The following KRT9 variants were observed in gnomAD, a reference collection of about 807,000 sequenced individuals.
KRT9 encodes the protein keratin 9, also known as keratin, type I cytoskeletal 9.
Under a neutral mutation model 51.4 loss-of-function variants are expected in KRT9, and 34 were observed. The ratio of observed to expected loss-of-function variants is 0.66; its 90% CI spans 0.50 to 0.88. The LOEUF (loss-of-function observed/expected upper bound fraction) is 0.88. KRT9 is among the 40% of genes least tolerant of loss of function. The pLI is 0.00. For missense variants in KRT9, 753 were observed against 790.3 expected (o/e 0.95, Z 0.57); for synonymous variants, 292 against 289.7 (o/e 1.01, Z -0.08).
At chr17:41,568,710 G>T in intron 4 of KRT9, 77 bp from the exon 5 acceptor site, 1 of 1,576,892 alleles carries the variant, frequency 6.3e-7, no homozygotes. Context: ...CATTCACCAG[G>T]ATCTTCACCT....
At chr17:41,569,159 G>A (rs894365905) in intron 4 of KRT9, among the ~76,000 whole-genome samples, 12 of 152,202 alleles carry the variant, frequency 7.9e-5, no homozygotes, top group African/African-American at 2.4e-4. Flanking sequence ...AGCTTCTCAA[G>A]GGCAGCAGTC....
intron 6 of KRT9, 95 bp downstream of exon 6, chr17:41,568,067 A>C (rs1906937700): frequency 8.5e-7 from 1 of 1,171,662 alleles, no homozygotes; most frequent in African/African-American, 1.5e-5. Context: ...CCCTGTGTAT[A>C]AGAACTTCCC....
rs760248633 is a variant in KRT9 at position 41,567,498 on chromosome 17, A to ACCACCTCCACTTCCTCCGCTATGG, written c.1623_1646dup (p.Gly549_Gly556dup). On this transcript the variant is annotated inframe_insertion, in exon 7 of 8. Coordinates refer to ENST00000246662, the MANE Select transcript of KRT9 (RefSeq NM_000226.4). Reference sequence around the variant, plus strand: ...AGTTGCCCCCACTTCCTCCACTATGACCACCTCCACTTCCTCCGCTATGGC... The same window carrying ACCACCTCCACTTCCTCCGCTATGG: ...AGTTGCCCCCACTTCCTCCACTATGACCACCTCCACTTCCTCCGCTATGGCCACCTCCACTTCCTCCGCTATGGC... 8 of 1,543,962 alleles carry ACCACCTCCACTTCCTCCGCTATGG rather than the reference A, an allele frequency of 5.2e-6. No individual in the cohort carries two copies. The East Asian group carries it at 7.4e-5, about 14-fold the overall frequency.
At chr17:41,570,248 A>G in intron 1 of KRT9, 28 bp from the exon 2 acceptor site, 3 of 1,596,798 alleles carry the variant, frequency 1.9e-6, no homozygotes, top group Middle Eastern at 1.7e-4. Flanking sequence ...CAGCCATGAT[A>G]TCATGCTGTG....
chr17:41,571,199 C>A, intron 1 of KRT9, 152 bp downstream of exon 1: 1 of 811,154 alleles, frequency 1.2e-6, no homozygotes, highest in South Asian at 1.4e-5. Flanking sequence ...CCCCAGAAAC[C>A]AAACACAAGT....
chr17:41,567,186 A>G (rs1018801392), intron 7 of KRT9, 47 bp downstream of exon 7: 21 of 1,573,844 alleles, frequency 1.3e-5, no homozygotes, highest in Non-Finnish European at 1.7e-5. Flanking sequence ...AAAAAAAAAA[A>G]GGTGAGACCT....
At chr17:41,568,663 G>A in intron 4 of KRT9, 30 bp from the exon 5 acceptor site, 1 of 1,613,996 alleles carries the variant, frequency 6.2e-7, no homozygotes, top group Non-Finnish European at 8.5e-7. Flanking sequence ...GTAAGCATCA[G>A]GCTGTGCCAG....
Position 41,570,151 on chromosome 17 carries a change from C to A in KRT9, c.712G>T (p.Asp238Tyr), listed in dbSNP as rs776962567. The change falls in exon 2 of 8, where the codon GAC (aspartate) becomes TAC (tyrosine). Residue 238 changes from aspartate to tyrosine, a missense_variant. Physicochemically the swap from Asp to Tyr is radical, Grantham distance 160 (BLOSUM62 -3). Coordinates refer to ENST00000246662, the MANE Select transcript of KRT9 (RefSeq NM_000226.4). ...DIDNTRMTLD[D>Y]FRIKFEMEQN... ...AGCAGGACTCACTTTATCCTGAAGT[C>A]ATCCAGTGTCATGCGAGTGTTGTCA... 6.2e-6 allele frequency: 10 copies of A among 1,613,938 alleles called. No individual in the cohort carries two copies. Among genetic ancestry groups the A allele is most frequent in the South Asian group, 1.1e-5 (1 of 91,052 alleles).
At chr17:41,568,033 T>C (rs758141047) in intron 6 of KRT9, 129 bp downstream of exon 6, 5 of 978,040 alleles carry the variant, frequency 5.1e-6, no homozygotes, top group Non-Finnish European at 7.6e-6. Context: ...GCCCCCAGGA[T>C]GAAGAAGTCC....
chr17:41,567,626 C>T lies in KRT9; in HGVS notation c.1519G>A (p.Gly507Ser). 1 of 1,581,876 alleles carries T rather than the reference C, an allele frequency of 6.3e-7. No individual in the cohort carries two copies. Among genetic ancestry groups the T allele is most frequent in the Non-Finnish European group, 8.6e-7 (1 of 1,164,312 alleles). ...CCTCCCCTGGACCCACTTCCTCCAC[C>T]ATAGCCACCTCCACTTCCTCCTCCA... ...YGGGGSGGGY[G>S]GGSGSRGGSG... Residue 507 changes from glycine to serine, a missense_variant, in exon 7 of 8, where the codon GGT becomes AGT. Physicochemically the swap from Gly to Ser is moderately conservative, Grantham distance 56 (BLOSUM62 0). Transcript: ENST00000246662.
chr17:41,571,865 C>G lies in KRT9; in HGVS notation c.128G>C (p.Gly43Ala). ...SRFSSSGGGGGGGRFSSSSGY... is the reference protein window; with the variant it reads ...SRFSSSGGGGAGGRFSSSSGY... Reference sequence around the variant, plus strand: ...ACTAGAAGAGCTGAATCGGCCCCCTCCTCCACCGCCCCCTGAGGAGCTGAA... The same window carrying G: ...ACTAGAAGAGCTGAATCGGCCCCCTGCTCCACCGCCCCCTGAGGAGCTGAA... The change falls in exon 1 of 8, where the codon GGA becomes GCA. Residue 43 changes from glycine to alanine, a missense_variant. Transcript: ENST00000246662. The G allele has an allele frequency of 1.2e-6, 2 of 1,612,482 alleles. No homozygotes were observed. Among genetic ancestry groups the G allele is most frequent in the South Asian group, 2.2e-5 (2 of 90,842 alleles).
intron 4 of KRT9, 49 bp from the exon 5 acceptor site, chr17:41,568,682 G>T: frequency 6.2e-7 from 1 of 1,613,198 alleles, no homozygotes. Context: ...AGGAGCTTCA[G>T]TGAGTGAGAT....
chr17:41,568,716 C>T (rs374596494), intron 4 of KRT9, 83 bp from the exon 5 acceptor site: 1 of 1,566,954 alleles, frequency 6.4e-7, no homozygotes, highest in Non-Finnish European at 8.8e-7. Context: ...CCAGGATCTT[C>T]ACCTCCAGGG....
rs749884357 is a variant in KRT9 at position 41,567,436 on chromosome 17, C to T, written c.1709G>A (p.Gly570Asp). 3.2e-6 allele frequency: 5 copies of T among 1,559,256 alleles called. No individual in the cohort carries two copies. The South Asian group carries it at 4.7e-5, about 15-fold the overall frequency. ...GGSGSGGGSGGGYGGGSGSRG... is the reference protein window; with the variant it reads ...GGSGSGGGSGDGYGGGSGSRG... ...GGACCCACTTCCTCCACCATAGCCA[C>T]CCCCACTTCCTCCTCCAGAGCCACT... Residue 570 changes from glycine (G) to aspartate (D), a missense_variant, in exon 7 of 8, where the codon GGT (glycine) becomes GAT (aspartate). Coordinates refer to ENST00000246662, the MANE Select transcript of KRT9 (RefSeq NM_000226.4).
rs1474004646 is a variant in KRT9 at position 41,569,278 on chromosome 17, T to C, written c.1044+148A>G. 8.4e-6 allele frequency: 7 copies of C among 830,894 alleles called. No homozygotes were observed. The Admixed American group carries it at 1.0e-4, about 12-fold the overall frequency. The allele number at this position is 830,894 out of a possible 1,614,324, so 51.5% of individuals were successfully genotyped here. The stretch of plus-strand genomic sequence containing the variant: ...GATGTTTGTATGCAGTGAATGAAGA[T>C]GGATGAATGACTTCCATTGGAAGAT... On this transcript the variant is annotated intron_variant, in intron 4 of 7. Coordinates refer to ENST00000246662, the MANE Select transcript of KRT9 (RefSeq NM_000226.4).
Position 41,568,564 on chromosome 17 carries a change from G to C in KRT9, c.1114C>G (p.Gln372Glu). ...EVQSSAKEVT[Q>E]LRHGVQELEI... ...AACTCCTGGACACCGTGCCGGAGCT[G>C]GGTCACCTCCTTGGCACTGGACTGC... Residue 372 changes from glutamine to glutamate, a missense_variant, in exon 5 of 8, where the codon CAG becomes GAG. By Grantham distance (29) the Gln-to-Glu change is conservative. Transcript: ENST00000246662. 6.2e-7 allele frequency: 1 copy of C among 1,614,172 alleles called. No homozygotes were observed. The highest frequency in any genetic ancestry group is 8.5e-7 in the Non-Finnish European group (1 of 1,180,024).
Position 41,571,398 on chromosome 17 carries a change from T to G in KRT9, c.595A>C (p.Lys199Gln). 6.2e-7 allele frequency: 1 copy of G among 1,614,094 alleles called. No individual in the cohort carries two copies. Among genetic ancestry groups the G allele is most frequent in the Non-Finnish European group, 8.5e-7 (1 of 1,180,008 alleles). The change falls in exon 1 of 8, where the codon AAG (lysine) becomes CAG (glutamine). Residue 199 changes from lysine (K) to glutamine (Q), a missense_variant. Physicochemically the swap from Lys to Gln is moderately conservative, Grantham distance 53 (BLOSUM62 1). Around this residue, in one of 3 missense-constraint regions of KRT9, gnomAD observed 507 missense variants for 563.7 expected, o/e 0.90. Transcript: ENST00000246662. ...GTGTTATAATAAGGGGAGTAGTTCTTCTGGATAGCAGCAGGTCCCTTCTTG... is the reference window on the plus strand; with the variant it reads ...GTGTTATAATAAGGGGAGTAGTTCTGCTGGATAGCAGCAGGTCCCTTCTTG... The part of the protein sequence containing the change: ...YDKKGPAAIQ[K>Q]NYSPYYNTID...
Position 41,567,655 on chromosome 17 carries a change from T to C in KRT9, c.1490A>G (p.Tyr497Cys), listed in dbSNP as rs777644069. ...GCCACCTCCACTTCCTCCTCCACCA[T>C]AGCTGCCTCCACTTCCTCCCCTGGA... ...RGSRGGSGGS[Y>C]GGGGSGGGYG... The change falls in exon 7 of 8, where the codon TAT becomes TGT. Residue 497 changes from tyrosine (Y) to cysteine (C), a missense_variant. This residue lies in a region of KRT9 where 507 missense variants were observed against 563.7 expected (regional missense o/e 0.90). Transcript: ENST00000246662. 1.2e-6 allele frequency: 2 copies of C among 1,606,440 alleles called. No homozygotes were observed. Among genetic ancestry groups the C allele is most frequent in the Non-Finnish European group, 8.5e-7 (1 of 1,176,292 alleles).
rs558331928 is a variant in KRT9 at position 41,567,311 on chromosome 17, C to T, written c.1834G>A (p.Gly612Ser). 108 of 1,614,020 alleles carry T rather than the reference C, an allele frequency of 6.7e-5. No individual in the cohort carries two copies. The highest frequency in any genetic ancestry group is 1.6e-4 in the Middle Eastern group (1 of 6,084). ...GGEEASGSGG[G>S]YGGGSGKSSH... is the part of the protein sequence containing the mutation. ...GATTTTCCGCTTCCTCCTCCGTAGC[C>T]GCCACCACTTCCACTCGCTTCTTCA... is the stretch of plus-strand genomic sequence containing the variant. Residue 612 changes from glycine to serine, a missense_variant, in exon 7 of 8, where the codon GGC becomes AGC. Physicochemically the swap from Gly to Ser is moderately conservative, Grantham distance 56. Around this residue, in one of 3 missense-constraint regions of KRT9, gnomAD observed 507 missense variants for 563.7 expected, o/e 0.90. Coordinates refer to ENST00000246662, the MANE Select transcript of KRT9 (RefSeq NM_000226.4).
Sources: gnomAD v4.1 joint callset for allele counts (sites outside exome capture counted in the v4.1 genomes callset) on GRCh38, gnomAD v4.1.1 for gene constraint, gnomAD v4.1.1 regional missense constraint, MANE v1.5 for transcripts, NCBI Gene and HGNC (gene_info 2026-07-23, HGNC 2026-07-21) for gene names.